Variants in TTC28 observed in about 807,000 individuals in gnomAD.
TTC28 encodes tetratricopeptide repeat protein 28.
In TTC28, 61 loss-of-function variants were observed where a neutral mutation model predicts 198.0. The ratio of observed to expected loss-of-function variants is 0.31; its 90% CI spans 0.25 to 0.38. The LOEUF is 0.38. Among genes scored for constraint, TTC28 ranks in the 10% least tolerant of loss-of-function variants. The probability of loss-of-function intolerance (pLI) is 1.00; values close to 1 mark genes in which losing one functional copy is unlikely to be tolerated. For synonymous variants in TTC28, 1,171 were observed against 1,297.8 expected (o/e 0.90, Z 2.10); for missense variants, 2,678 against 3,164.0 (o/e 0.85, Z 3.69).
intron 2 of TTC28, among the ~76,000 whole-genome samples, chr22:28,567,796 A>G (rs2050004000): frequency 6.6e-6 from 1 of 152,022 alleles, no homozygotes; most frequent in Non-Finnish European, 1.5e-5. Flanking sequence ...CGCAAAACAT[A>G]GGCAAAGGGA....
intron 2 of TTC28, among the ~76,000 whole-genome samples, chr22:28,575,108 A>G (rs2050124949): frequency 6.6e-6 from 1 of 152,136 alleles, no homozygotes; most frequent in Non-Finnish European, 1.5e-5. Context: ...GCCCACTCCA[A>G]TGTCCTAGAG....
At chr22:28,058,153 T>C (rs1940368387) in intron 12 of TTC28, among the ~76,000 whole-genome samples, 1 of 152,146 alleles carries the variant, frequency 6.6e-6, no homozygotes, top group Non-Finnish European at 1.5e-5. Context: ...ATATGGTATC[T>C]GTCCTAACTA....
intron 5 of TTC28, among the ~76,000 whole-genome samples, chr22:28,234,893 A>G (rs191806073): frequency 5.3e-5 from 8 of 152,370 alleles, no homozygotes; most frequent in Admixed American, 2.0e-4. Context: ...ATACACAATA[A>G]GCTCCTAAAA....
At chr22:28,494,561 AT>A (rs1295247389) in intron 2 of TTC28, among the ~76,000 whole-genome samples, 10 of 152,326 alleles carry the variant, frequency 6.6e-5, no homozygotes, top group Admixed American at 3.9e-4. Flanking sequence ...ACTGGAATGA[AT>A]TATTTGCCTT....
chr22:28,312,651 C>T (rs2045284016), intron 2 of TTC28, among the ~76,000 whole-genome samples: 1 of 152,174 alleles, frequency 6.6e-6, no homozygotes, highest in Non-Finnish European at 1.5e-5. Flanking sequence ...TAAAGATGTT[C>T]TTTGAAACCA....
intron 12 of TTC28, among the ~76,000 whole-genome samples, chr22:28,071,150 T>C (rs1338283338): frequency 6.6e-6 from 1 of 152,008 alleles, no homozygotes; most frequent in Admixed American, 6.6e-5. Context: ...CACCAGAAAA[T>C]GATGTGTTAT....
At chr22:28,050,705 C>CAAATATAAAAAG (rs1450011487) in intron 12 of TTC28, among the ~76,000 whole-genome samples, 1 of 151,974 alleles carries the variant, frequency 6.6e-6, no homozygotes, top group Non-Finnish European at 1.5e-5. Flanking sequence ...GCCAAATGAC[C>CAAATATAAAAAG]CCTTTAACAA....
intron 19 of TTC28, 140 bp downstream of exon 19, chr22:27,992,447 C>T (rs757723132): frequency 2.1e-5 from 18 of 860,700 alleles, no homozygotes; most frequent in Middle Eastern, 7.1e-4. Flanking sequence ...CTCTTACTCC[C>T]GGCCCTCACC....
chr22:28,396,602 T>C (rs2046821782), intron 2 of TTC28, among the ~76,000 whole-genome samples: 2 of 152,196 alleles, frequency 1.3e-5, no homozygotes, highest in Admixed American at 1.3e-4. Context: ...GAACCTTTAC[T>C]TCCAAGCATT....
intron 5 of TTC28, among the ~76,000 whole-genome samples, chr22:28,249,479 C>T (rs551649398): frequency 6.6e-6 from 1 of 152,306 alleles, no homozygotes; most frequent in South Asian, 2.1e-4. Context: ...TTTAATTATA[C>T]TAGTAGTACA....
intron 2 of TTC28, among the ~76,000 whole-genome samples, chr22:28,477,188 T>C (rs2048179335): frequency 6.6e-6 from 1 of 152,204 alleles, no homozygotes; most frequent in Non-Finnish European, 1.5e-5. Context: ...CTTACTGAAG[T>C]AGTGGTTACA....
At chr22:28,503,145 T>C (rs1036786138) in intron 2 of TTC28, among the ~76,000 whole-genome samples, 3 of 152,096 alleles carry the variant, frequency 2.0e-5, no homozygotes, top group Non-Finnish European at 2.9e-5. Context: ...CCTAACAATA[T>C]GCCTTTCCCC....
chr22:28,092,616 T>G (rs1045677814), intron 12 of TTC28, among the ~76,000 whole-genome samples: 2 of 152,188 alleles, frequency 1.3e-5, no homozygotes, highest in African/African-American at 4.8e-5. Context: ...ATGCAATACC[T>G]TTGGTCAGGT....
At chr22:28,228,711 A>G (rs1338738928) in intron 5 of TTC28, among the ~76,000 whole-genome samples, 1 of 151,948 alleles carries the variant, frequency 6.6e-6, no homozygotes, top group East Asian at 1.9e-4. Context: ...AACAAAAACA[A>G]AAACAAAAAA....
chr22:28,019,548 G>A (rs1938509057), intron 13 of TTC28, among the ~76,000 whole-genome samples: 1 of 152,224 alleles, frequency 6.6e-6, no homozygotes, highest in African/African-American at 2.4e-5. Context: ...GCCCCAGGCG[G>A]CAGAATGCTC....
intron 2 of TTC28, among the ~76,000 whole-genome samples, chr22:28,422,255 T>C (rs1044286924): frequency 1.3e-5 from 2 of 152,154 alleles, no homozygotes; most frequent in Non-Finnish European, 1.5e-5. Context: ...CCCTGCTAAA[T>C]GGCTTTGACA....
chr22:28,098,020 C>A (rs1942025863), intron 10 of TTC28, among the ~76,000 whole-genome samples: 1 of 152,208 alleles, frequency 6.6e-6, no homozygotes, highest in African/African-American at 2.4e-5. Context: ...AAGGCCTCAA[C>A]ATCCAAATTC....
At chr22:28,672,807 T>C (rs2051910960) in intron 1 of TTC28, among the ~76,000 whole-genome samples, 2 of 152,216 alleles carry the variant, frequency 1.3e-5, no homozygotes, top group Admixed American at 1.3e-4. Context: ...ATGGCTGTAA[T>C]TGGCCTCACT....
At chr22:28,354,517 T>TG (rs369837354) in intron 2 of TTC28, among the ~76,000 whole-genome samples, 173 of 152,120 alleles carry the variant, frequency 1.1e-3, no homozygotes, top group African/African-American at 4.0e-3. Context: ...TATCAGGGGC[T>TG]GGGGGAGGAA....
Sources: gnomAD v4.1 joint callset for allele counts (sites outside exome capture counted in the v4.1 genomes callset) on GRCh38, gnomAD v4.1.1 for gene constraint, MANE v1.5 for transcripts, NCBI Gene and HGNC (gene_info 2026-07-23, HGNC 2026-07-21) for gene names.